Variants in TTLL9 observed in about 807,000 individuals in gnomAD.
TTLL9 encodes probable tubulin polyglutamylase TTLL9.
TTLL9 carries 47 observed loss-of-function variants against 65.6 expected under a neutral mutation model. The ratio of observed to expected loss-of-function variants is 0.72; its 90% CI spans 0.57 to 0.91. TTLL9 has a LOEUF of 0.91. TTLL9 is among the 40% of genes least tolerant of loss of function. The pLI is 0.00. For synonymous variants in TTLL9, 179 were observed against 204.8 expected (o/e 0.87, Z 1.07); for missense variants, 537 against 568.8 (o/e 0.94, Z 0.57).
intron 6 of TTLL9, 84 bp from the exon 7 acceptor site, chr20:31,919,780 T>C: frequency 1.8e-6 from 2 of 1,116,912 alleles, no homozygotes; most frequent in South Asian, 1.7e-5. Context: ...GAGACAGATA[T>C]GCTGGGGAGA....
At chr20:31,874,700 G>T (rs572511429) in intron 2 of TTLL9, among the ~76,000 whole-genome samples, 1 of 152,086 alleles carries the variant, frequency 6.6e-6, no homozygotes, top group African/African-American at 2.4e-5. Context: ...GTGAGCCACC[G>T]CGCCCAGCCA....
chr20:31,891,167 A>G (rs2063303185), intron 3 of TTLL9, among the ~76,000 whole-genome samples: 1 of 152,182 alleles, frequency 6.6e-6, no homozygotes, highest in Non-Finnish European at 1.5e-5. Flanking sequence ...TTCTACCAGC[A>G]GAGGAGGAGT....
intron 7 of TTLL9, among the ~76,000 whole-genome samples, chr20:31,922,561 A>G (rs1192521758): frequency 6.6e-6 from 1 of 152,220 alleles, no homozygotes; most frequent in Non-Finnish European, 1.5e-5. Context: ...GTCCTTTTGT[A>G]TCTGGCTTAT....
At chr20:31,873,530 G>A (rs6061007) in intron 2 of TTLL9, among the ~76,000 whole-genome samples, 174 of 151,816 alleles carry the variant, frequency 1.1e-3, no homozygotes, top group African/African-American at 3.9e-3. Context: ...GTGGTGGCAC[G>A]AACCTGTAGT....
At chr20:31,908,808 A>C in intron 5 of TTLL9, 106 bp downstream of exon 5, 2 of 912,556 alleles carry the variant, frequency 2.2e-6, no homozygotes, top group Non-Finnish European at 3.5e-6. Flanking sequence ...AGAATGTGGG[A>C]TGCAACGCCG....
At chr20:31,878,057 TGTG>T (rs2063061027) in intron 2 of TTLL9, among the ~76,000 whole-genome samples, 1 of 152,224 alleles carries the variant, frequency 6.6e-6, no homozygotes, top group African/African-American at 2.4e-5. Flanking sequence ...CATAAGAATT[TGTG>T]GTTTAATGTC....
chr20:31,872,437 G>T (rs529445216), intron 2 of TTLL9, among the ~76,000 whole-genome samples: 1 of 152,066 alleles, frequency 6.6e-6, no homozygotes, highest in East Asian at 1.9e-4. Context: ...AGAACTTTGG[G>T]AGGCCAAGGC....
chr20:31,888,380 C>CT (rs1568748141), intron 3 of TTLL9, among the ~76,000 whole-genome samples: 1 of 152,136 alleles, frequency 6.6e-6, no homozygotes, highest in East Asian at 1.9e-4. Context: ...TGGCCCTAAA[C>CT]ATACATGCCC....
intron 8 of TTLL9, 64 bp downstream of exon 8, chr20:31,923,117 C>A: frequency 7.6e-7 from 1 of 1,315,492 alleles, no homozygotes; most frequent in Non-Finnish European, 1.1e-6. Flanking sequence ...AGTCAACAAG[C>A]TTTGACCAGC....
chr20:31,923,378 G>T (rs571051147), intron 8 of TTLL9, among the ~76,000 whole-genome samples: 2 of 152,166 alleles, frequency 1.3e-5, no homozygotes, highest in African/African-American at 2.4e-5. Context: ...CCCTCACCCT[G>T]CTCTCCTGGA....
At chr20:31,941,667 G>T (rs529536995) in intron 14 of TTLL9, among the ~76,000 whole-genome samples, 1 of 152,148 alleles carries the variant, frequency 6.6e-6, no homozygotes, top group East Asian at 1.9e-4. Context: ...GGCTCAAGCA[G>T]TCCTCCTACC....
At position 31,934,832 on chromosome 20, in the gene TTLL9, C is replaced by T; in HGVS notation, c.948C>T (p.Asp316=). 2.5e-6 allele frequency: 4 copies of T among 1,614,066 alleles called. No homozygotes were observed. Among genetic ancestry groups the T allele is most frequent in the Non-Finnish European group, 2.5e-6 (3 of 1,180,028 alleles). ...LQSVQKVIIS[D]KHCFELYGYD... Reference sequence around the variant, plus strand: ...GTGTGCAGAAGGTGATCATCAGTGACAAGCACTGCTTCGAGCTGTACGGCT... The same window carrying T: ...GTGTGCAGAAGGTGATCATCAGTGATAAGCACTGCTTCGAGCTGTACGGCT... The change falls in exon 12 of 15, where the codon GAC becomes GAT. Residue 316 remains aspartate, a synonymous_variant. Transcript: ENST00000535842.
At chr20:31,890,010 C>CTTTCTTTCTTT (rs1402123466) in intron 3 of TTLL9, among the ~76,000 whole-genome samples, 1 of 141,704 alleles carries the variant, frequency 7.1e-6, no homozygotes, top group Admixed American at 7.0e-5. Context: ...TTCTTTCTTT[C>CTTTCTTTCTTT]TTTCTTTCTT....
intron 2 of TTLL9, among the ~76,000 whole-genome samples, chr20:31,876,799 T>A (rs566092803): frequency 2.6e-5 from 4 of 152,302 alleles, no homozygotes; most frequent in South Asian, 2.1e-4. Flanking sequence ...CTCACTAACA[T>A]CTGACCTCAT....
chr20:31,920,040 T>G, intron 7 of TTLL9, 108 bp downstream of exon 7: 2 of 1,025,506 alleles, frequency 2.0e-6, no homozygotes, highest in Non-Finnish European at 2.7e-6. Context: ...AGAGAAACTC[T>G]GCCCACAGGT....
intron 2 of TTLL9, chr20:31,883,905 C>G (rs187700266): frequency 1.5e-4 from 61 of 409,744 alleles, no homozygotes; most frequent in African/African-American, 1.2e-3. Context: ...GCTCTTACCA[C>G]TTTTAGTCAA....
At chr20:31,906,267 C>T (rs531772289) in intron 4 of TTLL9, among the ~76,000 whole-genome samples, 2 of 152,266 alleles carry the variant, frequency 1.3e-5, no homozygotes, top group South Asian at 4.1e-4. Context: ...TGGGAAGAGT[C>T]CAGATCTGGA....
intron 2 of TTLL9, among the ~76,000 whole-genome samples, chr20:31,875,627 G>C (rs1385196315): frequency 6.6e-6 from 1 of 152,012 alleles, no homozygotes; most frequent in East Asian, 1.9e-4. Flanking sequence ...ACTCCTATTA[G>C]ACTTGTTTAG....
At chr20:31,889,666 C>T (rs1436505425) in intron 3 of TTLL9, among the ~76,000 whole-genome samples, 7 of 152,202 alleles carry the variant, frequency 4.6e-5, no homozygotes, top group African/African-American at 1.7e-4. Context: ...TGTGATCCAC[C>T]TGCCTTGGCC....
Sources: allele counts gnomAD v4.1 joint callset (sites outside exome capture counted in the v4.1 genomes callset), GRCh38; gene constraint gnomAD v4.1.1; transcripts MANE v1.5; gene names NCBI Gene and HGNC (gene_info 2026-07-23, HGNC 2026-07-21).